RABGAP1L: variants seen among roughly 807,000 people sequenced by gnomAD.
RABGAP1L encodes rab GTPase-activating protein 1-like.
A neutral mutation model predicts 137.7 loss-of-function variants in RABGAP1L; 63 were observed. The observed-to-expected ratio is 0.46, with a 90% CI of 0.37 to 0.56. The LOEUF (loss-of-function observed/expected upper bound fraction) is 0.56. Ranked by LOEUF, RABGAP1L falls within the 20% of genes least tolerant of loss-of-function variation. RABGAP1L has a pLI of 0.00. For missense variants in RABGAP1L, 1,095 were observed against 1,244.0 expected, an observed-to-expected ratio of 0.88 and a Z score of 1.80; for synonymous variants, 431 against 433.7, an observed-to-expected ratio of 0.99 and a Z score of 0.08.
At chr1:174,964,859 G>A (rs1669475596) in intron 20 of RABGAP1L, 1 of 1,438,248 alleles carries the variant, frequency 7.0e-7, no homozygotes, top group East Asian at 2.6e-5. Context: ...ATTAAGAAGT[G>A]TCTGTTTTTG....
chr1:174,917,009 C>T (rs529429443), intron 19 of RABGAP1L, among the ~76,000 whole-genome samples: 1 of 152,324 alleles, frequency 6.6e-6, no homozygotes. Context: ...GGTGAGAACT[C>T]TTTTCCTGGC....
chr1:174,371,823 G>T (rs537028657), intron 12 of RABGAP1L, among the ~76,000 whole-genome samples: 10 of 152,158 alleles, frequency 6.6e-5, no homozygotes, highest in Non-Finnish European at 1.5e-4. Context: ...GTAGAAGAAA[G>T]AATAATTTAA....
Position 174,250,620 on chromosome 1 carries a change from A to T in RABGAP1L, c.863A>T (p.Lys288Ile). ...VSLEVKEDDG[K>I]GNFSPVPKDR... ...TTGGAGGTAAAAGAAGACGATGGAA[A>T]AGGAAACTTTAGGTGAGGCATTTGG... is the stretch of plus-strand genomic sequence containing the variant. Residue 288 changes from lysine (K) to isoleucine (I), a missense_variant, in exon 6 of 26, where the codon AAA becomes ATA. Coordinates refer to ENST00000681986, the MANE Select transcript of RABGAP1L (RefSeq NM_001366446.1). 1 of 1,613,094 alleles carries T rather than the reference A, an allele frequency of 6.2e-7. No homozygotes were observed. Among genetic ancestry groups the T allele is most frequent in the Non-Finnish European group, 8.5e-7 (1 of 1,179,654 alleles).
At chr1:174,428,824 C>G (rs760828499) in intron 13 of RABGAP1L, among the ~76,000 whole-genome samples, 5 of 152,172 alleles carry the variant, frequency 3.3e-5, no homozygotes, top group Non-Finnish European at 7.3e-5. Flanking sequence ...AAACTATACT[C>G]TTAACTCTCA....
At chr1:174,644,367 A>T (rs187283385) in intron 14 of RABGAP1L, among the ~76,000 whole-genome samples, 1 of 151,916 alleles carries the variant, frequency 6.6e-6, no homozygotes, top group Non-Finnish European at 1.5e-5. Context: ...AAGCCATCAC[A>T]CTCTTACTAG....
At chr1:174,902,580 G>A (rs560784959) in intron 19 of RABGAP1L, among the ~76,000 whole-genome samples, 12 of 152,346 alleles carry the variant, frequency 7.9e-5, no homozygotes, top group South Asian at 4.1e-4. Flanking sequence ...CTACTCTGCC[G>A]TGACTCCACA....
chr1:174,613,456 T>A (rs1197638957), intron 13 of RABGAP1L, among the ~76,000 whole-genome samples: 3 of 152,174 alleles, frequency 2.0e-5, no homozygotes, highest in Non-Finnish European at 4.4e-5. Context: ...TTACATTTGC[T>A]GAGGAGAGCT....
At chr1:174,658,508 C>G (rs1443583447) in intron 14 of RABGAP1L, among the ~76,000 whole-genome samples, 1 of 152,082 alleles carries the variant, frequency 6.6e-6, no homozygotes, top group Non-Finnish European at 1.5e-5. Flanking sequence ...TGAGCAGTAT[C>G]TCTCTATATA....
At chr1:174,716,757 G>A (rs1681051596) in intron 17 of RABGAP1L, among the ~76,000 whole-genome samples, 1 of 152,024 alleles carries the variant, frequency 6.6e-6, no homozygotes, top group African/African-American at 2.4e-5. Flanking sequence ...CTCTTCTTAG[G>A]AATATGCCAG....
intron 13 of RABGAP1L, among the ~76,000 whole-genome samples, chr1:174,550,936 A>T (rs1457394132): frequency 7.5e-6 from 1 of 132,798 alleles, no homozygotes; most frequent in Non-Finnish European, 1.6e-5. Flanking sequence ...ATATATACAC[A>T]TATATATACA....
At chr1:174,751,146 A>G (rs777780697) in intron 17 of RABGAP1L, among the ~76,000 whole-genome samples, 2 of 152,168 alleles carry the variant, frequency 1.3e-5, no homozygotes, top group Non-Finnish European at 2.9e-5. Flanking sequence ...TCAGCTGAGT[A>G]AACCCCAAAC....
intron 13 of RABGAP1L, among the ~76,000 whole-genome samples, chr1:174,514,302 G>A (rs985829417): frequency 1.4e-4 from 20 of 148,102 alleles, no homozygotes; most frequent in Admixed American, 2.7e-4. Context: ...GGTAGGATTC[G>A]TTTTCCACCT....
Position 174,994,813 on chromosome 1 carries a change from T to TAA in RABGAP1L, c.*4813_*4814dup, listed in dbSNP as rs944934618. On this transcript the variant is annotated 3_prime_UTR_variant, in exon 26 of 26. Transcript: ENST00000681986. ...CAGTCAGCCCCACTTCCTTTCTTTC[T>TAA]AACTCCTACCTTTCCCTTGCAGAGG... 1.3e-5 allele frequency: 2 copies of TAA among 152,260 alleles called. No homozygotes were observed. The highest frequency in any genetic ancestry group is 4.8e-5 in the African/African-American group (2 of 41,474). 9.4% of individuals were successfully genotyped at this position (152,260 alleles called of 1,614,324 possible). A position where few individuals can be genotyped will look rare whatever the true frequency, so the allele number is the denominator to read the frequency against.
At chr1:174,930,038 A>G (rs1236121260) in intron 19 of RABGAP1L, among the ~76,000 whole-genome samples, 1 of 147,798 alleles carries the variant, frequency 6.8e-6, no homozygotes, top group Non-Finnish European at 1.5e-5. Flanking sequence ...TTGTAAAGAC[A>G]GAGTTTTGCC....
intron 14 of RABGAP1L, 28 bp from the exon 15 acceptor site, chr1:174,683,494 T>A (rs779088183): frequency 1.3e-6 from 2 of 1,523,640 alleles, no homozygotes; most frequent in Non-Finnish European, 1.8e-6. Flanking sequence ...CTATTTACGA[T>A]ATTTCTTTCT....
At chr1:174,628,161 C>T (rs1272407188) in intron 13 of RABGAP1L, among the ~76,000 whole-genome samples, 3 of 152,002 alleles carry the variant, frequency 2.0e-5, no homozygotes, top group African/African-American at 4.8e-5. Flanking sequence ...AGTACTTTAT[C>T]TGAATAGTTG....
intron 13 of RABGAP1L, among the ~76,000 whole-genome samples, chr1:174,605,337 C>G (rs1376756530): frequency 6.6e-6 from 1 of 152,112 alleles, no homozygotes; most frequent in East Asian, 1.9e-4. Context: ...AGATGTTATT[C>G]TTTATCTCTC....
chr1:174,816,964 C>T (rs1163971269), intron 19 of RABGAP1L, among the ~76,000 whole-genome samples: 1 of 151,980 alleles, frequency 6.6e-6, no homozygotes, highest in Non-Finnish European at 1.5e-5. Flanking sequence ...CTCCTGATCT[C>T]ATGATCCACC....
Position 174,991,456 on chromosome 1 carries a change from A to ATT in RABGAP1L, c.*1455_*1456insTT, listed in dbSNP as rs763209864. ...GCAATTAAAAGTAACACACCCTTAG[A>ATT]AGAATCAAATAAGAGCCATCTACAT... On this transcript the variant is annotated 3_prime_UTR_variant, in exon 26 of 26. Transcript: ENST00000681986. The ATT allele has an allele frequency of 2.0e-4, 30 of 152,230 alleles. No individual in the cohort carries two copies. Among genetic ancestry groups the ATT allele is most frequent in the Non-Finnish European group, 3.5e-4 (24 of 68,038 alleles). The allele number at this position is 152,230 out of a possible 1,614,324, so 9.4% of individuals were successfully genotyped here. A position where few individuals can be genotyped will look rare whatever the true frequency, so the allele number is the denominator to read the frequency against.
Sources: allele counts gnomAD v4.1 joint callset (sites outside exome capture counted in the v4.1 genomes callset), GRCh38; gene constraint gnomAD v4.1.1; transcripts MANE v1.5; gene names NCBI Gene and HGNC (gene_info 2026-07-23, HGNC 2026-07-21).